Variants in AKT3 observed in about 807,000 individuals in gnomAD.
The protein encoded by AKT3 is RAC-gamma serine/threonine-protein kinase.
In AKT3, 15 loss-of-function variants were observed where a neutral mutation model predicts 65.3. The observed-to-expected ratio is 0.23, with a 90% confidence interval of 0.15 to 0.35. The LOEUF is 0.35. AKT3 is among the 10% of genes least tolerant of loss of function. The probability of loss-of-function intolerance (pLI) is 1.00; values close to 1 mark genes in which losing one functional copy is unlikely to be tolerated. For missense variants in AKT3, 243 were observed against 576.5 expected, an observed-to-expected ratio of 0.42 and a Z score of 5.92; for synonymous variants, 206 against 183.8, an observed-to-expected ratio of 1.12 and a Z score of -0.98.
chr1:243,831,328 T>C (rs1413865121), intron 2 of AKT3, among the ~76,000 whole-genome samples: 1 of 152,082 alleles, frequency 6.6e-6, no homozygotes. Context: ...TAGAAAGTCA[T>C]AAGGAGGTCA....
chr1:243,776,794 C>CT (rs1322989948), intron 2 of AKT3, among the ~76,000 whole-genome samples: 3 of 152,134 alleles, frequency 2.0e-5, no homozygotes, highest in Admixed American at 6.5e-5. Flanking sequence ...TCTGATATGT[C>CT]TGAGTGCCTA....
At chr1:243,821,139 G>GA (rs1223484575) in intron 2 of AKT3, among the ~76,000 whole-genome samples, 3 of 151,920 alleles carry the variant, frequency 2.0e-5, no homozygotes, top group Non-Finnish European at 4.4e-5. Context: ...ACAACATTAA[G>GA]AAAAAAATTT....
chr1:243,751,833 G>A (rs1026447707), intron 2 of AKT3, among the ~76,000 whole-genome samples: 5 of 152,136 alleles, frequency 3.3e-5, no homozygotes, highest in East Asian at 1.9e-4. Flanking sequence ...TGAGTTCTTC[G>A]GTATCAAGAG....
chr1:243,695,751 A>G, intron 2 of AKT3, 35 bp from the exon 3 acceptor site: 1 of 1,548,088 alleles, frequency 6.5e-7, no homozygotes, highest in South Asian at 1.2e-5. Context: ...AATGCTGAAA[A>G]AAATGAACAG....
At chr1:243,847,123 T>C (rs917137393) in intron 1 of AKT3, among the ~76,000 whole-genome samples, 2 of 152,194 alleles carry the variant, frequency 1.3e-5, no homozygotes, top group African/African-American at 4.8e-5. Context: ...TGCTGAAACC[T>C]GGAGTAACAC....
intron 2 of AKT3, among the ~76,000 whole-genome samples, chr1:243,756,157 T>A (rs1258623214): frequency 1.3e-5 from 2 of 152,230 alleles, no homozygotes; most frequent in Non-Finnish European, 2.9e-5. Flanking sequence ...CAGTTTTTAA[T>A]ATACAGATGC....
At chr1:243,732,722 C>T (rs1687635024) in intron 2 of AKT3, among the ~76,000 whole-genome samples, 4 of 152,164 alleles carry the variant, frequency 2.6e-5, no homozygotes, top group Admixed American at 2.6e-4. Flanking sequence ...GAATCCAGTG[C>T]ACCAGACTGC....
intron 2 of AKT3, among the ~76,000 whole-genome samples, chr1:243,721,671 A>G (rs1366505327): frequency 1.3e-5 from 2 of 151,638 alleles, no homozygotes; most frequent in East Asian, 2.0e-4. Context: ...TTTTCTTACT[A>G]TTTTTTACAT....
chr1:243,534,793 T>C (rs900081320), intron 12 of AKT3, among the ~76,000 whole-genome samples: 1 of 152,080 alleles, frequency 6.6e-6, no homozygotes, highest in Admixed American at 6.5e-5. Flanking sequence ...TATTTGTAAC[T>C]AAATGAAAAT....
chr1:243,730,320 A>G (rs1023135414), intron 2 of AKT3, among the ~76,000 whole-genome samples: 1 of 152,150 alleles, frequency 6.6e-6, no homozygotes, highest in African/African-American at 2.4e-5. Context: ...CTGTTCTGCT[A>G]CTCAGTAAAA....
intron 3 of AKT3, among the ~76,000 whole-genome samples, chr1:243,673,478 T>C (rs1448323121): frequency 6.6e-6 from 1 of 152,158 alleles, no homozygotes; most frequent in Non-Finnish European, 1.5e-5. Context: ...TAAAACTCCA[T>C]TGTACTCATA....
chr1:243,678,388 A>G (rs184814049), intron 3 of AKT3, among the ~76,000 whole-genome samples: 2 of 152,330 alleles, frequency 1.3e-5, no homozygotes, highest in South Asian at 2.1e-4. Flanking sequence ...AAGTAAAGTA[A>G]AAGAATCAGC....
chr1:243,580,649 C>A (rs562801467), intron 8 of AKT3, among the ~76,000 whole-genome samples: 13 of 152,140 alleles, frequency 8.5e-5, no homozygotes, highest in Non-Finnish European at 1.5e-4. Context: ...GCAGGAGAGC[C>A]GCTACAGCTG....
chr1:243,798,657 A>T (rs1057158212), intron 2 of AKT3, among the ~76,000 whole-genome samples: 11 of 152,178 alleles, frequency 7.2e-5, no homozygotes, highest in Admixed American at 2.6e-4. Context: ...GACAGCAAAC[A>T]AACACACTTA....
chr1:243,797,776 GC>G (rs1330870892), intron 2 of AKT3, among the ~76,000 whole-genome samples: 6 of 151,320 alleles, frequency 4.0e-5, no homozygotes, highest in African/African-American at 1.5e-4. Context: ...AAATGATTAA[GC>G]ATGTATAACT....
intron 12 of AKT3, among the ~76,000 whole-genome samples, chr1:243,532,712 G>C (rs1263060939): frequency 6.6e-6 from 1 of 152,170 alleles, no homozygotes; most frequent in Non-Finnish European, 1.5e-5. Flanking sequence ...GGAAGAGTTT[G>C]AGAAGGACTG....
intron 13 of AKT3, among the ~76,000 whole-genome samples, chr1:243,507,131 C>A (rs932655145): frequency 6.6e-6 from 1 of 152,242 alleles, no homozygotes; most frequent in Non-Finnish European, 1.5e-5. Flanking sequence ...CAGTGGGGAG[C>A]CTGGTGCTTG....
In AKT3 at chr1:243,503,062, C is replaced by CT. The variant is rs1349316122; in HGVS notation, c.*2186dup. ...CTTAAAGAACATACCTTCTAGTCTA[C>CT]TTTTTTGTCAAAATGAAACATTCAA... On this transcript the variant is annotated 3_prime_UTR_variant, in exon 14 of 14. Transcript: ENST00000673466. The CT allele has an allele frequency of 8.6e-6, 2 of 233,368 alleles. No homozygotes were observed. Among genetic ancestry groups the CT allele is most frequent in the Non-Finnish European group, 1.7e-5 (2 of 117,958 alleles). The allele number at this position is 233,368 out of a possible 1,614,324, so 14.5% of individuals were successfully genotyped here.
At chr1:243,838,199 T>G (rs1293992172) in intron 2 of AKT3, among the ~76,000 whole-genome samples, 2 of 152,192 alleles carry the variant, frequency 1.3e-5, no homozygotes, top group Non-Finnish European at 2.9e-5. Flanking sequence ...ACATTGAAAC[T>G]CTAAGAAAAG....
Sources: gnomAD v4.1 joint callset for allele counts (sites outside exome capture counted in the v4.1 genomes callset) on GRCh38, gnomAD v4.1.1 for gene constraint, MANE v1.5 for transcripts, NCBI Gene and HGNC (gene_info 2026-07-23, HGNC 2026-07-21) for gene names.